The following SYNE1 variants were observed in gnomAD, a reference collection of about 807,000 sequenced individuals.
SYNE1 encodes nesprin-1.
Under a neutral mutation model 1,111.0 loss-of-function variants are expected in SYNE1, and 616 were observed. The observed-to-expected ratio is 0.55, with a 90% CI of 0.52 to 0.59. The LOEUF is 0.59. SYNE1 is among the 20% of genes least tolerant of loss of function. The pLI is 0.00. For missense variants in SYNE1, 10,006 were observed against 10,417.0 expected (o/e 0.96, Z 1.72); for synonymous variants, 3,855 against 3,825.8 (o/e 1.01, Z -0.28).
At chr6:152,464,161 C>T (rs547090608) in intron 18 of SYNE1, among the ~76,000 whole-genome samples, 1 of 152,228 alleles carries the variant, frequency 6.6e-6, no homozygotes, top group African/African-American at 2.4e-5. Context: ...TACAATAACA[C>T]ACTTTCTTAT....
chr6:152,303,671 T>C (rs2095278958), intron 91 of SYNE1, among the ~76,000 whole-genome samples: 1 of 152,210 alleles, frequency 6.6e-6, no homozygotes, highest in Admixed American at 6.5e-5. Flanking sequence ...CCAAATACTT[T>C]AAATCATCTC....
At chr6:152,463,847 A>ATT (rs2098748761) in intron 18 of SYNE1, among the ~76,000 whole-genome samples, 1 of 152,190 alleles carries the variant, frequency 6.6e-6, no homozygotes. Context: ...TCAGGCTAGT[A>ATT]AATACCAGTG....
At chr6:152,574,383 A>G (rs2099487961) in intron 3 of SYNE1, among the ~76,000 whole-genome samples, 1 of 151,970 alleles carries the variant, frequency 6.6e-6, no homozygotes, top group Non-Finnish European at 1.5e-5. Context: ...CCCAAGCTCA[A>G]CCCTGTGTAA....
chr6:152,561,187 A>T (rs1020288307), intron 3 of SYNE1, among the ~76,000 whole-genome samples: 5 of 152,190 alleles, frequency 3.3e-5, no homozygotes, highest in Non-Finnish European at 7.4e-5. Context: ...CCACCAAAAA[A>T]ATGGTTATAA....
At chr6:152,366,502 A>C (rs1392451855) in intron 62 of SYNE1, among the ~76,000 whole-genome samples, 3 of 152,092 alleles carry the variant, frequency 2.0e-5, no homozygotes, top group Non-Finnish European at 4.4e-5. Flanking sequence ...TCTTAATTTT[A>C]TTAAAAAAAA....
At chr6:152,152,233 T>C (rs1455949093) in intron 133 of SYNE1, 92 bp from the exon 134 acceptor site, 4 of 1,158,764 alleles carry the variant, frequency 3.5e-6, no homozygotes, top group Non-Finnish European at 5.1e-6. Context: ...TCTGGGAGAA[T>C]GGGAAGTTAC....
chr6:152,248,211 T>C (rs1193962200), intron 105 of SYNE1, among the ~76,000 whole-genome samples: 1 of 152,124 alleles, frequency 6.6e-6, no homozygotes, highest in Non-Finnish European at 1.5e-5. Context: ...AAACATCCCC[T>C]ACAACTTTCC....
At chr6:152,335,045 A>G (rs2096351706) in intron 76 of SYNE1, among the ~76,000 whole-genome samples, 1 of 152,190 alleles carries the variant, frequency 6.6e-6, no homozygotes, top group African/African-American at 2.4e-5. Context: ...ACACAGCAAA[A>G]AGAAACCTCT....
chr6:152,316,420 A>G (rs149788649), intron 87 of SYNE1: 356 of 208,100 alleles, frequency 1.7e-3, no homozygotes, highest in Non-Finnish European at 2.7e-3. Context: ...CAGAGAGGCA[A>G]AGCATTCTGC....
intron 3 of SYNE1, among the ~76,000 whole-genome samples, chr6:152,561,415 GC>G (rs1183774004): frequency 6.6e-6 from 1 of 152,010 alleles, no homozygotes; most frequent in African/African-American, 2.4e-5. Flanking sequence ...AAGCATTGAT[GC>G]AAAAAACTGA....
rs1441057750 is a variant in SYNE1, at chr6:152,596,266, GTTTGTT to G, written c.67+31993_67+31998del. On this transcript the variant is annotated intron_variant, in intron 3 of 145. Transcript: ENST00000367255. ...AAGTTATGATTACAGTTTTTTGTTT[GTTTGTT>G]TTTTTTTTTTTTTGAGATGACGTCT... 6.3e-4 allele frequency among the ~76,000 whole-genome samples: 75 copies of G among 118,728 alleles called. 1 individual carries two copies. Among genetic ancestry groups the G allele is most frequent in the Middle Eastern group, 4.2e-3 (1 of 236 alleles). 77.9% of individuals were successfully genotyped at this position (118,728 alleles called of 152,430 possible).
chr6:152,508,140 A>C (rs2099067814), intron 8 of SYNE1, among the ~76,000 whole-genome samples: 1 of 152,220 alleles, frequency 6.6e-6, no homozygotes, highest in Non-Finnish European at 1.5e-5. Context: ...CTTGAAAAGT[A>C]CATACTGGGA....
At chr6:152,521,763 T>C (rs1462236127) in intron 5 of SYNE1, among the ~76,000 whole-genome samples, 1 of 152,196 alleles carries the variant, frequency 6.6e-6, no homozygotes, top group East Asian at 1.9e-4. Context: ...ATTTAATCCT[T>C]TTACAACATG....
At chr6:152,408,997 C>T (rs894810067) in intron 44 of SYNE1, 71 bp downstream of exon 44, 22 of 1,483,012 alleles carry the variant, frequency 1.5e-5, no homozygotes, top group South Asian at 1.2e-5. Flanking sequence ...TTGAATAACG[C>T]TTTGTCCAAA....
At chr6:152,151,778 T>C in intron 134 of SYNE1, 88 bp from the exon 135 acceptor site, 1 of 1,548,556 alleles carries the variant, frequency 6.5e-7, no homozygotes, top group Non-Finnish European at 8.8e-7. Flanking sequence ...TCCAGTGTTC[T>C]GTAAAGTCAT....
intron 3 of SYNE1, among the ~76,000 whole-genome samples, chr6:152,609,723 G>C (rs776966788): frequency 5.3e-5 from 8 of 152,174 alleles, no homozygotes; most frequent in Non-Finnish European, 8.8e-5. Flanking sequence ...CCCAGTAGGG[G>C]CCAACAGACA....
intron 27 of SYNE1, 23 bp downstream of exon 27, chr6:152,450,602 T>C: frequency 1.2e-6 from 2 of 1,604,276 alleles, no homozygotes; most frequent in Non-Finnish European, 1.7e-6. Flanking sequence ...TACACCCCTC[T>C]CTGGAGGCCA....
In SYNE1 at chr6:152,466,061, G is replaced by C. The variant is rs756120733; in HGVS notation, c.1650C>G (p.Ser550Arg). 3 of 1,608,246 alleles carry C rather than the reference G, an allele frequency of 1.9e-6. No individual in the cohort carries two copies. Among genetic ancestry groups the C allele is most frequent in the East Asian group, 2.2e-5 (1 of 44,814 alleles). The change falls in exon 17 of 146, where the codon AGC (serine) becomes AGG (arginine). Residue 550 changes from serine (S) to arginine (R), a missense_variant. By Grantham distance (110) the Ser-to-Arg change is moderately radical. Around this residue, in one of 7 missense-constraint regions of SYNE1, gnomAD observed 1,971 missense variants for 2,084.1 expected, o/e 0.95. Transcript: ENST00000367255. ...LQNYVSFIENSKFFEQYEVTY... is the reference protein window; with the variant it reads ...LQNYVSFIENRKFFEQYEVTY... ...TCACCTCATATTGTTCAAAGAACTT[G>C]CTATTTTCTATAAAAGACTAGAAAA...
chr6:152,520,507 A>G lies in SYNE1; in HGVS notation c.261T>C (p.His87=). Reference sequence around the variant, plus strand: ...GTGCCGTGCCAATGTTAGCCACAGCATGGATTCGCTTCATCCGGCGTCCTT... The same window carrying G: ...GTGCCGTGCCAATGTTAGCCACAGCGTGGATTCGCTTCATCCGGCGTCCTT... ...CEQGRRMKRI[H]AVANIGTALK... is the part of the protein sequence containing the mutation. The change falls in exon 6 of 146, where the codon CAT becomes CAC. Residue 87 remains histidine, a synonymous_variant. Coordinates refer to ENST00000367255, the MANE Select transcript of SYNE1 (RefSeq NM_182961.4). 1.9e-6 allele frequency: 3 copies of G among 1,613,702 alleles called. No homozygotes were observed. Among genetic ancestry groups the G allele is most frequent in the Non-Finnish European group, 2.5e-6 (3 of 1,179,726 alleles).
Sources: gnomAD v4.1 joint callset for allele counts (sites outside exome capture counted in the v4.1 genomes callset) on GRCh38, gnomAD v4.1.1 for gene constraint, gnomAD v4.1.1 regional missense constraint, MANE v1.5 for transcripts, NCBI Gene and HGNC (gene_info 2026-07-23, HGNC 2026-07-21) for gene names.